UGT2B4: variants seen among roughly 807,000 people sequenced by gnomAD.
UGT2B4 encodes the protein UDP-glucuronosyltransferase 2B4.
UGT2B4 carries 49 observed loss-of-function variants against 49.8 expected under a neutral mutation model. That is an observed-to-expected ratio of 0.98 (90% CI 0.78 to 1.25). The LOEUF is 1.25. Ranked by LOEUF, UGT2B4 falls within the 50% of genes most tolerant of loss-of-function variation. The pLI is 0.00. For missense variants in UGT2B4, 729 were observed against 627.7 expected (o/e 1.16, Z -1.73); for synonymous variants, 246 against 217.7 (o/e 1.13, Z -1.14).
chr4:69,486,459 C>T (rs892675145), intron 4 of UGT2B4, 150 bp downstream of exon 4: 3 of 420,104 alleles, frequency 7.1e-6, no homozygotes, highest in Non-Finnish European at 1.2e-5. Context: ...TTATTCTTTT[C>T]CCCCGGGACT....
In UGT2B4 at chr4:69,480,515, G is replaced by A. The variant is rs1727551333; in HGVS notation, c.*119C>T. On this transcript the variant is annotated 3_prime_UTR_variant, in exon 6 of 6. Transcript: ENST00000305107. ...AACAAATTTTGACTTGACAAGGTAA[G>A]TTTTGAAAGATGTTTTGTCACAAGA... The A allele has an allele frequency of 6.8e-7, 1 of 1,470,908 alleles. No individual in the cohort carries two copies. Among genetic ancestry groups the A allele is most frequent in the Admixed American group, 2.4e-5 (1 of 42,484 alleles). 91.1% of individuals were successfully genotyped at this position (1,470,908 alleles called of 1,614,324 possible). A position where few individuals can be genotyped will look rare whatever the true frequency, so the allele number is the denominator to read the frequency against.
chr4:69,517,123 A>G (rs925848120), intron 1 of UGT2B4, among the ~76,000 whole-genome samples: 1 of 152,168 alleles, frequency 6.6e-6, no homozygotes, highest in African/African-American at 2.4e-5. Flanking sequence ...AATAATTAAA[A>G]AGAAGAAAAA....
chr4:69,500,493 CAAGAAAGAAAGAAGGAAGGAAGGAAAGA>C (rs1728272208), upstream of UGT2B4, among the ~76,000 whole-genome samples: 1 of 90,376 alleles, frequency 1.1e-5, no homozygotes, highest in Non-Finnish European at 2.4e-5. Context: ...AGAAAGAAAG[CAAGAAAGAAAGAAGGAAGGAAGGAAAGA>C]AAGAAAGAAA....
At chr4:69,504,422 G>A (rs1657593983) in intron 1 of UGT2B4, among the ~76,000 whole-genome samples, 1 of 151,974 alleles carries the variant, frequency 6.6e-6, no homozygotes, top group Admixed American at 6.6e-5. Flanking sequence ...TGATAGAGCT[G>A]GAAATTATAC....
At chr4:69,502,097 CTTTCTTTCTTTCTT>C (rs1560439002) in intron 1 of UGT2B4, among the ~76,000 whole-genome samples, 7 of 94,924 alleles carry the variant, frequency 7.4e-5, no homozygotes, top group African/African-American at 3.5e-4. Flanking sequence ...CTCTCTCTTT[CTTTCTTTCTTTCTT>C]TCTTTCTTTC....
At chr4:69,506,919 C>A (rs1255377392) in intron 1 of UGT2B4, among the ~76,000 whole-genome samples, 2 of 152,060 alleles carry the variant, frequency 1.3e-5, no homozygotes, top group Non-Finnish European at 2.9e-5. Context: ...GTTGACTCAG[C>A]CTACGGAAAT....
chr4:69,506,895 C>T (rs1160029597), intron 1 of UGT2B4, among the ~76,000 whole-genome samples: 1 of 152,100 alleles, frequency 6.6e-6, no homozygotes, highest in Non-Finnish European at 1.5e-5. Context: ...TAGGCATTAT[C>T]CCCAGGATGC....
rs1728133714 is a variant in UGT2B4 at position 69,495,605 on chromosome 4, A to G, written c.257T>C (p.Phe86Ser). The G allele has an allele frequency of 6.2e-7, 1 of 1,613,854 alleles. No homozygotes were observed. The highest frequency in any genetic ancestry group is 1.7e-5 in the Admixed American group (1 of 59,966). ...AACCAGCTGCTTGATAATATCCTCA[A>G]ACTCAGTTTTAGTTAAAGATACAGG... ...VYPVSLTKTE[F>S]EDIIKQLVKR... Residue 86 changes from phenylalanine to serine, a missense_variant, in exon 1 of 6, where the codon TTT (phenylalanine) becomes TCT (serine). Coordinates refer to ENST00000305107, the MANE Select transcript of UGT2B4 (RefSeq NM_021139.3).
At chr4:69,489,908 C>A (rs1011883956) in intron 2 of UGT2B4, among the ~76,000 whole-genome samples, 5 of 152,032 alleles carry the variant, frequency 3.3e-5, no homozygotes, top group Non-Finnish European at 7.4e-5. Flanking sequence ...TAAAGTGGCA[C>A]CAGTTGGCTT....
Position 69,480,336 on chromosome 4 carries a change from AT to A in UGT2B4, c.*297del, listed in dbSNP as rs1727544737. ...TGTGACATGTAGTTAAGCTTAGTAA[AT>A]TTTTTTTCATGTAACCTGTGAATTG... On this transcript the variant is annotated 3_prime_UTR_variant, in exon 6 of 6. Coordinates refer to ENST00000305107, the MANE Select transcript of UGT2B4 (RefSeq NM_021139.3). 4.8e-5 allele frequency: 14 copies of A among 289,482 alleles called. No individual in the cohort carries two copies. The highest frequency in any genetic ancestry group is 1.1e-3 in the Middle Eastern group (1 of 876). The allele number at this position is 289,482 out of a possible 1,614,324, so 17.9% of individuals were successfully genotyped here. A position where few individuals can be genotyped will look rare whatever the true frequency, so the allele number is the denominator to read the frequency against.
chr4:69,496,578 A>G (rs1474518271), upstream of UGT2B4, among the ~76,000 whole-genome samples: 1 of 152,186 alleles, frequency 6.6e-6, no homozygotes, highest in Non-Finnish European at 1.5e-5. Context: ...GTTTCATAGT[A>G]TATTCACAGA....
intron 1 of UGT2B4, among the ~76,000 whole-genome samples, chr4:69,506,848 A>G (rs1728481002): frequency 6.6e-6 from 1 of 152,206 alleles, no homozygotes. Flanking sequence ...AGCTGAATTC[A>G]GCAGCATATC....
Position 69,495,900 on chromosome 4 carries a change from C to G in UGT2B4, c.-39G>C. Reference sequence around the variant, plus strand: ...AATGCTTGTTTTCCAGTTGCTGCTCCTTTCTGTCATTTCTCATGGTGACAT... The same window carrying G: ...AATGCTTGTTTTCCAGTTGCTGCTCGTTTCTGTCATTTCTCATGGTGACAT... On this transcript the variant is annotated 5_prime_UTR_variant, in exon 1 of 6. Transcript: ENST00000305107. 6.5e-7 allele frequency: 1 copy of G among 1,540,090 alleles called. No homozygotes were observed. The highest frequency in any genetic ancestry group is 1.4e-5 in the African/African-American group (1 of 72,264).
chr4:69,481,090 T>TAAAAAAA (rs1727574744), intron 5 of UGT2B4, among the ~76,000 whole-genome samples, 180 bp from the exon 6 acceptor site: 1 of 3,456 alleles, frequency 2.9e-4, no homozygotes, highest in East Asian at 8.8e-3. Flanking sequence ...AGTAAAAATA[T>TAAAAAAA]GAAAAAAAAA....
intron 5 of UGT2B4, among the ~76,000 whole-genome samples, chr4:69,481,628 T>C (rs574967829): frequency 6.6e-6 from 1 of 152,332 alleles, no homozygotes; most frequent in East Asian, 1.9e-4. Flanking sequence ...GAAGAAAGGC[T>C]ACCCATTGCT....
Position 69,489,438 on chromosome 4 carries a change from C to T in UGT2B4, c.1002+1G>A. 2 of 1,609,496 alleles carry T rather than the reference C, an allele frequency of 1.2e-6. No individual in the cohort carries two copies. The highest frequency in any genetic ancestry group is 8.5e-7 in the Non-Finnish European group (1 of 1,177,148). On this transcript the variant is annotated splice_donor_variant, in intron 3 of 5. Coordinates refer to ENST00000305107, the MANE Select transcript of UGT2B4 (RefSeq NM_021139.3). LOFTEE classifies it high-confidence loss of function. The stretch of plus-strand genomic sequence containing the variant: ...TACACCATTAAAACATTTTATCTTA[C>T]CTTTTGTGGGATCTTGGCAAGGGCT...
At chr4:69,501,820 C>T (rs1206273039) in intron 1 of UGT2B4, among the ~76,000 whole-genome samples, 1 of 152,208 alleles carries the variant, frequency 6.6e-6, no homozygotes, top group Non-Finnish European at 1.5e-5. Flanking sequence ...CAGCACAGCA[C>T]AGCTGCTCTA....
intron 2 of UGT2B4, among the ~76,000 whole-genome samples, chr4:69,490,875 C>T (rs531665331): frequency 6.6e-6 from 1 of 152,150 alleles, no homozygotes; most frequent in Admixed American, 6.6e-5. Context: ...GCTTGATGTC[C>T]AGAGCCGCCT....
chr4:69,494,873 A>G (rs41299986), intron 1 of UGT2B4, among the ~76,000 whole-genome samples: 219 of 152,258 alleles, frequency 1.4e-3, no homozygotes, highest in African/African-American at 4.8e-3. Flanking sequence ...CAGATATGTG[A>G]TTGCTTAAAG....
Sources: gnomAD v4.1 joint callset for allele counts (sites outside exome capture counted in the v4.1 genomes callset) on GRCh38, gnomAD v4.1.1 for gene constraint, MANE v1.5 for transcripts, NCBI Gene and HGNC (gene_info 2026-07-23, HGNC 2026-07-21) for gene names.